CYP7B1: variants seen among roughly 807,000 people sequenced by gnomAD.
CYP7B1 encodes cytochrome P450 family 7 subfamily B member 1, also known as cytochrome P450 7B1.
Under a neutral mutation model 42.7 loss-of-function variants are expected in CYP7B1, and 29 were observed. The observed-to-expected ratio is 0.68, with a 90% confidence interval of 0.51 to 0.93. The LOEUF is 0.93. Among genes scored for constraint, CYP7B1 ranks in the 40% least tolerant of loss-of-function variants. The pLI is 0.00. For missense variants in CYP7B1, 655 were observed against 600.5 expected (o/e 1.09, Z -0.95); for synonymous variants, 235 against 218.2 (o/e 1.08, Z -0.68).
At chr8:64,688,142 A>G (rs1293590640) in intron 1 of CYP7B1, among the ~76,000 whole-genome samples, 2 of 152,234 alleles carry the variant, frequency 1.3e-5, no homozygotes, top group Non-Finnish European at 2.9e-5. Context: ...CACTGCTGAT[A>G]ATACAGATGT....
At chr8:64,720,573 C>T (rs941733906) in intron 1 of CYP7B1, among the ~76,000 whole-genome samples, 1 of 152,106 alleles carries the variant, frequency 6.6e-6, no homozygotes, top group African/African-American at 2.4e-5. Context: ...CAAAAACATC[C>T]ACTAATGGCT....
intron 1 of CYP7B1, among the ~76,000 whole-genome samples, chr8:64,788,001 A>G (rs1804556446): frequency 6.6e-6 from 1 of 152,146 alleles, no homozygotes; most frequent in Non-Finnish European, 1.5e-5. Flanking sequence ...GCATGAGGGA[A>G]ACCAGCCCCA....
In CYP7B1 at chr8:64,744,647, T is replaced by C. The variant is rs143825811; in HGVS notation, c.122+53819A>G. Among the ~76,000 whole-genome samples the C allele has an allele frequency of 4.9e-4, 74 of 152,330 alleles. 1 individual carries two copies. Among genetic ancestry groups the C allele is most frequent in the Non-Finnish European group, 9.0e-4 (61 of 68,020 alleles). Reference sequence around the variant, plus strand: ...TTGACAGTAAAAGTTAACTGGCACATATGATGCTGACCCTTCTTTGAGATG... The same window carrying C: ...TTGACAGTAAAAGTTAACTGGCACACATGATGCTGACCCTTCTTTGAGATG... On this transcript the variant is annotated intron_variant, in intron 1 of 5. Coordinates refer to ENST00000310193, the MANE Select transcript of CYP7B1 (RefSeq NM_004820.5).
intron 1 of CYP7B1, among the ~76,000 whole-genome samples, chr8:64,769,514 G>A (rs1364115945): frequency 1.3e-5 from 2 of 152,108 alleles, no homozygotes; most frequent in South Asian, 2.1e-4. Flanking sequence ...ACCCAATTTT[G>A]TATTCCATTT....
Position 64,615,918 on chromosome 8 carries a change from A to T in CYP7B1, c.623T>A (p.Phe208Tyr). Residue 208 changes from phenylalanine (F) to tyrosine (Y), a missense_variant, in exon 3 of 6, where the codon TTT becomes TAT. Physicochemically the swap from Phe to Tyr is conservative, Grantham distance 22. Transcript: ENST00000310193. ...AAAATCATCTCTTAGCTCACTAATA[A>T]ATTTGTTGTTGTCACAAACAATAAC... ...GKVIVCDNNK[F>Y]ISELRDDFLK... 2 of 1,613,576 alleles carry T rather than the reference A, an allele frequency of 1.2e-6. No homozygotes were observed. Among genetic ancestry groups the T allele is most frequent in the Non-Finnish European group, 1.7e-6 (2 of 1,179,758 alleles).
rs76653854 is a variant in CYP7B1, at chr8:64,631,826, C to G, written c.123-7287G>C. Among the ~76,000 whole-genome samples the G allele has an allele frequency of 1.7e-3, 259 of 152,236 alleles. 4 individuals are homozygous for G. In the East Asian group the frequency reaches 0.045, roughly 26 times the overall value. On this transcript the variant is annotated intron_variant, in intron 1 of 5. Transcript: ENST00000310193. The stretch of plus-strand genomic sequence containing the variant: ...ACAGGTATTGAAAAAATGCCAATGT[C>G]ACTAATGATCAGGGAAATGCAAATT...
chr8:64,772,530 T>A (rs1804252705), intron 1 of CYP7B1, among the ~76,000 whole-genome samples: 1 of 152,208 alleles, frequency 6.6e-6, no homozygotes, highest in Admixed American at 6.5e-5. Context: ...TGCCTCACCC[T>A]GCAGATTTTG....
At chr8:64,783,661 A>C (rs1431371944) in intron 1 of CYP7B1, among the ~76,000 whole-genome samples, 1 of 152,102 alleles carries the variant, frequency 6.6e-6, no homozygotes, top group Non-Finnish European at 1.5e-5. Context: ...ACCCATGATA[A>C]TCTGGTATTC....
intron 1 of CYP7B1, among the ~76,000 whole-genome samples, chr8:64,686,435 C>T (rs1449258895): frequency 2.4e-5 from 1 of 41,170 alleles, no homozygotes. Context: ...TGGCCAGCCG[C>T]CCCGTCCGGG....
chr8:64,737,445 G>A (rs1311036850), intron 1 of CYP7B1, among the ~76,000 whole-genome samples: 1 of 152,230 alleles, frequency 6.6e-6, no homozygotes, highest in African/African-American at 2.4e-5. Flanking sequence ...AAGTGCACTA[G>A]CTCAAATCCA....
At chr8:64,686,130 C>T (rs1472627101) in intron 1 of CYP7B1, among the ~76,000 whole-genome samples, 26 of 101,536 alleles carry the variant, frequency 2.6e-4, no homozygotes, top group African/African-American at 8.4e-4. Context: ...CCCGGCCAGC[C>T]GCCCCGTCTG....
At chr8:64,722,398 T>G (rs1807249080) in intron 1 of CYP7B1, among the ~76,000 whole-genome samples, 1 of 152,178 alleles carries the variant, frequency 6.6e-6, no homozygotes. Context: ...TCAAACAAAT[T>G]CATTTTAATG....
chr8:64,634,598 A>G (rs1158731422), intron 1 of CYP7B1, among the ~76,000 whole-genome samples: 1 of 151,932 alleles, frequency 6.6e-6, no homozygotes, highest in Non-Finnish European at 1.5e-5. Context: ...AAAAAAAAAA[A>G]AGAAAGAAAT....
At chr8:64,761,783 G>A (rs1229135411) in intron 1 of CYP7B1, among the ~76,000 whole-genome samples, 1 of 152,144 alleles carries the variant, frequency 6.6e-6, no homozygotes, top group African/African-American at 2.4e-5. Context: ...AGTCACACAA[G>A]TTTTGTTTCC....
At chr8:64,743,959 CAT>C (rs1807606057) in intron 1 of CYP7B1, among the ~76,000 whole-genome samples, 1 of 152,154 alleles carries the variant, frequency 6.6e-6, no homozygotes, top group Non-Finnish European at 1.5e-5. Context: ...TGGTGGCTCA[CAT>C]GTCATTGTGG....
At chr8:64,693,174 T>C (rs2129632265) in intron 1 of CYP7B1, among the ~76,000 whole-genome samples, 1 of 152,346 alleles carries the variant, frequency 6.6e-6, no homozygotes, top group East Asian at 1.9e-4. Flanking sequence ...CAGAGTACTG[T>C]CATGCAGAAA....
chr8:64,593,244 T>G lies in CYP7B1; in HGVS notation c.*3398A>C, dbSNP rs1453502711. Among the ~76,000 whole-genome samples the G allele has an allele frequency of 3.4e-5, 4 of 117,420 alleles. No individual in the cohort carries two copies. The highest frequency in any genetic ancestry group is 6.7e-5 in the African/African-American group (2 of 29,780). The allele number at this position is 117,420 out of a possible 152,430, so 77.0% of individuals were successfully genotyped here. A position where few individuals can be genotyped will look rare whatever the true frequency, so the allele number is the denominator to read the frequency against. On this transcript the variant is annotated 3_prime_UTR_variant, in exon 6 of 6. Transcript: ENST00000310193. ...GGCTAGGGCCCAGGGTGTGTGTGTG[T>G]GTGTGTGTGTGTGTGTGTGTGTGTG...
intron 1 of CYP7B1, among the ~76,000 whole-genome samples, chr8:64,661,928 T>C (rs1203462684): frequency 1.3e-5 from 2 of 152,140 alleles, no homozygotes; most frequent in Non-Finnish European, 2.9e-5. Flanking sequence ...ATTAACAAGA[T>C]TGTCTTTCAC....
intron 1 of CYP7B1, among the ~76,000 whole-genome samples, chr8:64,675,110 A>G (rs1315951296): frequency 6.6e-6 from 1 of 152,110 alleles, no homozygotes; most frequent in Non-Finnish European, 1.5e-5. Flanking sequence ...AGAACCAGGT[A>G]TACACTTGGC....
Sources: allele counts gnomAD v4.1 joint callset (sites outside exome capture counted in the v4.1 genomes callset), GRCh38; gene constraint gnomAD v4.1.1; transcripts MANE v1.5; gene names NCBI Gene and HGNC (gene_info 2026-07-23, HGNC 2026-07-21).